Variants in GXYLT2 observed in about 807,000 individuals in gnomAD.
GXYLT2 encodes glycosyltransferase 8 domain containing 4.
Under a neutral mutation model 45.8 loss-of-function variants are expected in GXYLT2, and 53 were observed. The observed-to-expected ratio is 1.16, with a 90% CI of 0.93 to 1.46. The LOEUF is 1.46. GXYLT2 is among the 40% of genes most tolerant of loss of function. The pLI, the probability that GXYLT2 is intolerant of heterozygous loss-of-function variation, is 0.00. For missense variants in GXYLT2, 551 were observed against 544.4 expected, an observed-to-expected ratio of 1.01 and a Z score of -0.12; for synonymous variants, 219 against 214.2, an observed-to-expected ratio of 1.02 and a Z score of -0.19.
At position 72,888,413 on chromosome 3, in the gene GXYLT2, C is replaced by T. The variant is rs1709109077; in HGVS notation, c.180C>T (p.Leu60=). 8.6e-6 allele frequency: 9 copies of T among 1,045,604 alleles called. No individual in the cohort carries two copies. Among genetic ancestry groups the T allele is most frequent in the African/African-American group, 1.7e-5 (1 of 58,230 alleles). The allele number at this position is 1,045,604 out of a possible 1,614,324, so 64.8% of individuals were successfully genotyped here. Residue 60 remains leucine, a synonymous_variant, in exon 1 of 7, where the codon CTC becomes CTT. Coordinates refer to ENST00000389617, the MANE Select transcript of GXYLT2 (RefSeq NM_001080393.2). The stretch of plus-strand genomic sequence containing the variant: ...CGCGCTGGCCGGGGCCGGGCGCCCT[C>T]CCCGGGGCCAGCCCGGGAGTTCGGA... The part of the protein sequence containing the change: ...VPARWPGPGA[L]PGASPGVRRR...
In GXYLT2 at chr3:72,975,078, T is replaced by G. The variant is rs529655363; in HGVS notation, c.1251T>G (p.Phe417Leu). The change falls in exon 7 of 7, where the codon TTT becomes TTG. Residue 417 changes from phenylalanine (F) to leucine (L), a missense_variant. Coordinates refer to ENST00000389617, the MANE Select transcript of GXYLT2 (RefSeq NM_001080393.2). ...TATGTGGACGAATCCCGCAAGTTTT[T>G]CTGAAGCAAATTGAGAAAACAATGA... ...HTLCGRIPQV[F>L]LKQIEKTMKR... 1 of 1,613,886 alleles carries G rather than the reference T, an allele frequency of 6.2e-7. No homozygotes were observed. The highest frequency in any genetic ancestry group is 1.1e-5 in the South Asian group (1 of 91,080).
At chr3:72,909,991 A>G (rs1709588113) in intron 2 of GXYLT2, among the ~76,000 whole-genome samples, 1 of 152,224 alleles carries the variant, frequency 6.6e-6, no homozygotes, top group Admixed American at 6.5e-5. Context: ...CTTTACCAAG[A>G]GAAACCATGG....
rs1292079199 is a variant in GXYLT2 at position 72,922,228 on chromosome 3, A to G, written c.493A>G (p.Thr165Ala). The G allele has an allele frequency of 1.2e-6, 2 of 1,613,568 alleles. No individual in the cohort carries two copies. Among genetic ancestry groups the G allele is most frequent in the East Asian group, 2.2e-5 (1 of 44,890 alleles). The change falls in exon 3 of 7, where the codon ACA (threonine) becomes GCA (alanine). Residue 165 changes from threonine to alanine, a missense_variant. By Grantham distance (58) the Thr-to-Ala change is moderately conservative. Coordinates refer to ENST00000389617, the MANE Select transcript of GXYLT2 (RefSeq NM_001080393.2). The part of the protein sequence containing the change: ...KQLRQWPDSY[T>A]KKFEHRIYPI... ...GTTACGCCAGTGGCCTGACTCATAT[A>G]CAAAGAAGTTTGAGCACAGAATCTA...
At chr3:72,897,501 A>T (rs34317383) in intron 1 of GXYLT2, among the ~76,000 whole-genome samples, 1 of 152,006 alleles carries the variant, frequency 6.6e-6, no homozygotes, top group South Asian at 2.1e-4. Flanking sequence ...GATGGCTACA[A>T]GTGAAATGTG....
At chr3:72,946,472 AC>A (rs918759833) in intron 3 of GXYLT2, among the ~76,000 whole-genome samples, 43 of 152,164 alleles carry the variant, frequency 2.8e-4, no homozygotes, top group African/African-American at 9.9e-4. Flanking sequence ...CTTATAAACA[AC>A]AGAAATTTAC....
chr3:72,934,280 C>T (rs1710136698), intron 3 of GXYLT2, among the ~76,000 whole-genome samples: 1 of 151,780 alleles, frequency 6.6e-6, no homozygotes, highest in Non-Finnish European at 1.5e-5. Flanking sequence ...GAGATAGGGT[C>T]TTGCTGTATT....
At chr3:72,930,032 G>A (rs1193137894) in intron 3 of GXYLT2, among the ~76,000 whole-genome samples, 1 of 151,818 alleles carries the variant, frequency 6.6e-6, no homozygotes, top group Non-Finnish European at 1.5e-5. Flanking sequence ...TGGGCGTGGT[G>A]GCGTGCACCT....
chr3:72,894,326 A>C (rs1169447804), intron 1 of GXYLT2, among the ~76,000 whole-genome samples: 1 of 152,114 alleles, frequency 6.6e-6, no homozygotes, highest in Non-Finnish European at 1.5e-5. Context: ...TTTTAAATCA[A>C]AATCTTGGGA....
intron 5 of GXYLT2, among the ~76,000 whole-genome samples, chr3:72,962,960 A>AC (rs1328819770): frequency 9.2e-6 from 1 of 108,462 alleles, no homozygotes; most frequent in East Asian, 2.0e-4. Context: ...ACATTAAAAA[A>AC]AAAAAACAAA....
At chr3:72,911,961 G>A (rs895720444) in intron 2 of GXYLT2, among the ~76,000 whole-genome samples, 5 of 143,996 alleles carry the variant, frequency 3.5e-5, no homozygotes, top group African/African-American at 1.0e-4. Flanking sequence ...AGTTGGGTGT[G>A]TGTGTGTGTG....
intron 6 of GXYLT2, among the ~76,000 whole-genome samples, chr3:72,968,885 A>G (rs1710927339): frequency 6.6e-6 from 1 of 152,080 alleles, no homozygotes; most frequent in African/African-American, 2.4e-5. Context: ...GTGAAACCCC[A>G]TCTCTACTAA....
chr3:72,889,197 A>G (rs1575769870), intron 1 of GXYLT2, among the ~76,000 whole-genome samples: 1 of 152,138 alleles, frequency 6.6e-6, no homozygotes. Context: ...GCTTTTCATC[A>G]GAGAGCTTTA....
At chr3:72,905,430 T>C (rs568569606) in intron 1 of GXYLT2, among the ~76,000 whole-genome samples, 2 of 152,354 alleles carry the variant, frequency 1.3e-5, no homozygotes, top group Admixed American at 6.5e-5. Flanking sequence ...TTCATTCTCT[T>C]TGGCCTTACG....
chr3:72,945,397 G>A (rs2107130346), intron 3 of GXYLT2, among the ~76,000 whole-genome samples: 1 of 152,336 alleles, frequency 6.6e-6, no homozygotes, highest in African/African-American at 2.4e-5. Flanking sequence ...CATATATTAT[G>A]TCAGGCATGG....
chr3:72,926,223 T>C (rs935061029), intron 3 of GXYLT2, among the ~76,000 whole-genome samples: 2 of 152,220 alleles, frequency 1.3e-5, no homozygotes, highest in African/African-American at 4.8e-5. Flanking sequence ...GATTTTACTA[T>C]CTGAATAATA....
intron 1 of GXYLT2, among the ~76,000 whole-genome samples, chr3:72,903,765 A>G (rs573130174): frequency 6.6e-6 from 1 of 152,184 alleles, no homozygotes; most frequent in East Asian, 1.9e-4. Context: ...TCAAAGGATA[A>G]ATCAGGTGAA....
intron 2 of GXYLT2, among the ~76,000 whole-genome samples, chr3:72,912,013 A>ATTTTTTTTTTTT (rs35108267): frequency 1.7e-5 from 2 of 114,924 alleles, no homozygotes; most frequent in African/African-American, 8.0e-5. Flanking sequence ...ATATATATAT[A>ATTTTTTTTTTTT]TTTTTTTTTT....
In GXYLT2 at chr3:72,914,548, C is replaced by T. The variant is rs578236418; in HGVS notation, c.468+5989C>T. On this transcript the variant is annotated intron_variant, in intron 2 of 6. Coordinates refer to ENST00000389617, the MANE Select transcript of GXYLT2 (RefSeq NM_001080393.2). ...ATATATGTGTGTGTGTGTGTGTGTGCGCGCGCGCGCTTGCGTGCGCATGTA... is the reference window on the plus strand; with the variant it reads ...ATATATGTGTGTGTGTGTGTGTGTGTGCGCGCGCGCTTGCGTGCGCATGTA... Among the ~76,000 whole-genome samples, 182 of 145,984 alleles carry T rather than the reference C, an allele frequency of 1.2e-3. 1 individual carries two copies. The highest frequency in any genetic ancestry group is 5.4e-3 in the East Asian group (27 of 4,978).
intron 6 of GXYLT2, among the ~76,000 whole-genome samples, chr3:72,970,657 CGAGACCAGCCTGACCAACATG>C (rs1710971734): frequency 6.6e-6 from 1 of 152,010 alleles, no homozygotes; most frequent in African/African-American, 2.4e-5. Flanking sequence ...GTCGGGAGTT[CGAGACCAGCCTGACCAACATG>C]GAGAAATCCC....
Sources: allele counts gnomAD v4.1 joint callset (sites outside exome capture counted in the v4.1 genomes callset), GRCh38; gene constraint gnomAD v4.1.1; transcripts MANE v1.5; gene names NCBI Gene and HGNC (gene_info 2026-07-23, HGNC 2026-07-21).